The following USP15 variants were observed in gnomAD, a reference collection of about 807,000 sequenced individuals.
USP15 encodes the protein ubiquitin carboxyl-terminal hydrolase 15.
Under a neutral mutation model 127.1 loss-of-function variants are expected in USP15, and 18 were observed. The observed-to-expected ratio is 0.14, with a 90% confidence interval of 0.10 to 0.21. The LOEUF (loss-of-function observed/expected upper bound fraction) is 0.21. USP15 is among the 10% of genes least tolerant of loss of function. The probability of loss-of-function intolerance (pLI) is 1.00; values close to 1 mark genes in which losing one functional copy is unlikely to be tolerated. For synonymous variants in USP15, 364 were observed against 393.7 expected, an observed-to-expected ratio of 0.92 and a Z score of 0.89; for missense variants, 805 against 1,159.9, an observed-to-expected ratio of 0.69 and a Z score of 4.44.
chr12:62,353,544 C>G (rs899178661), intron 7 of USP15, among the ~76,000 whole-genome samples: 3 of 151,978 alleles, frequency 2.0e-5, no homozygotes, highest in Non-Finnish European at 2.9e-5. Flanking sequence ...TTAAATTTTA[C>G]TATGATTTTA....
At chr12:62,380,089 C>T (rs890478972) in intron 8 of USP15, among the ~76,000 whole-genome samples, 3 of 152,024 alleles carry the variant, frequency 2.0e-5, no homozygotes, top group African/African-American at 4.8e-5. Context: ...CTATATAGCT[C>T]ACTCCAAACA....
chr12:62,327,475 C>T (rs1403815087), intron 6 of USP15, among the ~76,000 whole-genome samples: 2 of 151,896 alleles, frequency 1.3e-5, no homozygotes, highest in Non-Finnish European at 2.9e-5. Context: ...ACTGTTGTTT[C>T]CTAAATGTTT....
rs924345571 is a variant in USP15 at position 62,302,421 on chromosome 12, CTG to C, written c.218-368_218-367del. ...ATTGCTTTTTGATTTATGGTACAAA[CTG>C]AAAGTTTTAAAGCAATAGTTTATTT... On this transcript the variant is annotated intron_variant, in intron 2 of 21. Transcript: ENST00000280377. Among the ~76,000 whole-genome samples, 23 of 152,244 alleles carry C rather than the reference CTG, an allele frequency of 1.5e-4. No individual in the cohort carries two copies. The South Asian group carries it at 3.5e-3, about 23-fold the overall frequency.
intron 8 of USP15, among the ~76,000 whole-genome samples, chr12:62,358,426 A>G (rs1175815393): frequency 1.3e-5 from 2 of 152,112 alleles, no homozygotes; most frequent in Non-Finnish European, 2.9e-5. Flanking sequence ...TAACAATACA[A>G]CAGTTTGTCC....
chr12:62,385,837 A>T (rs2067131583), intron 11 of USP15, among the ~76,000 whole-genome samples: 1 of 152,088 alleles, frequency 6.6e-6, no homozygotes, highest in Non-Finnish European at 1.5e-5. Flanking sequence ...GTAATGGAGC[A>T]AGAGAGCGTA....
chr12:62,413,659 G>T lies in USP15; in HGVS notation c.*9284G>T, dbSNP rs2068088943. The T allele has an allele frequency of 6.6e-6, 1 of 151,948 alleles. No individual in the cohort carries two copies. The highest frequency in any genetic ancestry group is 2.4e-5 in the African/African-American group (1 of 41,344). The allele number at this position is 151,948 out of a possible 1,614,324, so 9.4% of individuals were successfully genotyped here. ...AGCCTCCATAGAATTGAAGAGAGAGGGCCTTGCTCTGCGTTAGGCTTTGGC... is the reference window on the plus strand; with the variant it reads ...AGCCTCCATAGAATTGAAGAGAGAGTGCCTTGCTCTGCGTTAGGCTTTGGC... On this transcript the variant is annotated 3_prime_UTR_variant, in exon 22 of 22. Transcript: ENST00000280377.
intron 20 of USP15, among the ~76,000 whole-genome samples, chr12:62,399,551 A>G (rs2067609587): frequency 6.6e-6 from 1 of 152,148 alleles, no homozygotes; most frequent in African/African-American, 2.4e-5. Flanking sequence ...GCCTCCATCC[A>G]TTCTGTCGCA....
At chr12:62,374,582 T>G in intron 8 of USP15, 1 of 984,016 alleles carries the variant, frequency 1.0e-6, no homozygotes, top group Non-Finnish European at 1.2e-6. Context: ...GGATGGCTAT[T>G]AATTATTCAT....
chr12:62,334,871 G>A (rs994773659), intron 6 of USP15, among the ~76,000 whole-genome samples: 1 of 152,134 alleles, frequency 6.6e-6, no homozygotes. Flanking sequence ...AGCAAGTTAT[G>A]TTTTTCTATT....
intron 8 of USP15, among the ~76,000 whole-genome samples, chr12:62,366,393 T>C (rs529145814): frequency 1.3e-5 from 2 of 152,328 alleles, no homozygotes; most frequent in Non-Finnish European, 2.9e-5. Flanking sequence ...TTTTTGCACA[T>C]TGATTTTGTA....
In USP15 at chr12:62,314,945, T is replaced by TC. The variant is rs762358467; in HGVS notation, c.475+31dup. On this transcript the variant is annotated intron_variant, in intron 4 of 21. Coordinates refer to ENST00000280377, the MANE Select transcript of USP15 (RefSeq NM_001252078.2). ...ATGCAAGATCCTGTCTTGTTTTTAA[T>TC]CCATTGCTATTAGATATTTAATTAG... 1,109 of 1,524,654 alleles carry TC rather than the reference T, an allele frequency of 7.3e-4. 3 individuals carry two copies. Among genetic ancestry groups the TC allele is most frequent in the Non-Finnish European group, 9.2e-4 (1,045 of 1,136,050 alleles). The allele number at this position is 1,524,654 out of a possible 1,614,324, so 94.4% of individuals were successfully genotyped here.
At chr12:62,306,735 A>G (rs2064493696) in intron 3 of USP15, among the ~76,000 whole-genome samples, 1 of 152,158 alleles carries the variant, frequency 6.6e-6, no homozygotes, top group African/African-American at 2.4e-5. Flanking sequence ...TCCAGATGGC[A>G]AACGGTGCTA....
intron 7 of USP15, among the ~76,000 whole-genome samples, chr12:62,353,452 G>A (rs1313939130): frequency 6.6e-6 from 1 of 151,946 alleles, no homozygotes; most frequent in Non-Finnish European, 1.5e-5. Context: ...GCATGTAAAT[G>A]TGCTTTTAGT....
At chr12:62,301,430 A>G (rs1452688508) in intron 2 of USP15, among the ~76,000 whole-genome samples, 5 of 152,208 alleles carry the variant, frequency 3.3e-5, no homozygotes, top group Non-Finnish European at 7.4e-5. Flanking sequence ...AGTTGTGAAC[A>G]ACTCAAATGC....
intron 4 of USP15, among the ~76,000 whole-genome samples, chr12:62,318,966 C>G (rs902284678): frequency 2.0e-5 from 3 of 152,082 alleles, no homozygotes; most frequent in Non-Finnish European, 4.4e-5. Flanking sequence ...AGGATTGTTG[C>G]AGTAACCTAG....
intron 4 of USP15, among the ~76,000 whole-genome samples, chr12:62,319,892 T>G (rs2064935317): frequency 6.6e-6 from 1 of 152,188 alleles, no homozygotes; most frequent in South Asian, 2.1e-4. Flanking sequence ...CAGGAAACAT[T>G]TATTCATTTT....
At chr12:62,296,120 G>GC (rs1339853574) in intron 2 of USP15, among the ~76,000 whole-genome samples, 1 of 152,186 alleles carries the variant, frequency 6.6e-6, no homozygotes, top group Admixed American at 6.5e-5. Flanking sequence ...ACAGAGAGTG[G>GC]CCTCAGGTTG....
At chr12:62,281,979 C>T (rs2063661839) in intron 1 of USP15, among the ~76,000 whole-genome samples, 1 of 152,072 alleles carries the variant, frequency 6.6e-6, no homozygotes. Context: ...CCTGAACCTG[C>T]AAATAGTAGC....
chr12:62,332,373 T>G (rs1592606179), intron 6 of USP15, among the ~76,000 whole-genome samples: 1 of 152,078 alleles, frequency 6.6e-6, no homozygotes, highest in Non-Finnish European at 1.5e-5. Context: ...GAAAAAGTTT[T>G]CCCCCCTAGT....
Sources: allele counts gnomAD v4.1 joint callset (sites outside exome capture counted in the v4.1 genomes callset), GRCh38; gene constraint gnomAD v4.1.1; transcripts MANE v1.5; gene names NCBI Gene and HGNC (gene_info 2026-07-23, HGNC 2026-07-21).